Variants in SRCAP observed in about 807,000 individuals in gnomAD.
SRCAP encodes the protein Snf2 related CREBBP activator protein.
SRCAP carries 46 observed loss-of-function variants against 263.1 expected under a neutral mutation model. That is an observed-to-expected ratio of 0.17 (90% CI 0.14 to 0.22). The LOEUF (loss-of-function observed/expected upper bound fraction) is 0.22. Among genes scored for constraint, SRCAP ranks in the 10% least tolerant of loss-of-function variants. The pLI is 1.00. For synonymous variants in SRCAP, 1,813 were observed against 1,662.1 expected (o/e 1.09, Z -2.21); for missense variants, 3,695 against 4,181.9 (o/e 0.88, Z 3.21).
intron 1 of SRCAP, among the ~76,000 whole-genome samples, chr16:30,699,531 T>C (rs1164276815): frequency 6.6e-6 from 1 of 152,310 alleles, no homozygotes; most frequent in South Asian, 2.1e-4. Flanking sequence ...CCAGCCTGTT[T>C]GTTGACTCTT....
chr16:30,723,713 C>T lies in SRCAP; in HGVS notation c.4289C>T (p.Thr1430Ile), dbSNP rs2053033834. Reference protein sequence around the residue: ...SSPLASPVSSTVSVPLSSSLP... With the variant: ...SSPLASPVSSIVSVPLSSSLP... ...CCCCTTGCTAGTCCTGTGTCCTCTA[C>T]AGTCTCAGTTCCATTGTCATCTTCA... The change falls in exon 25 of 34, where the codon ACA becomes ATA. Residue 1430 changes from threonine (T) to isoleucine (I), a missense_variant. Thr to Ile is a moderately conservative substitution (Grantham distance 89). Around this residue, in one of 12 missense-constraint regions of SRCAP, gnomAD observed 1,347 missense variants for 1,304.4 expected, o/e 1.03. Coordinates refer to ENST00000262518, the MANE Select transcript of SRCAP (RefSeq NM_006662.3). 3 of 1,613,986 alleles carry T rather than the reference C, an allele frequency of 1.9e-6. No individual in the cohort carries two copies. The highest frequency in any genetic ancestry group is 2.5e-6 in the Non-Finnish European group (3 of 1,180,006).
Position 30,704,137 on chromosome 16 carries a change from C to T in SRCAP, c.128C>T (p.Ala43Val). The T allele has an allele frequency of 6.2e-7, 1 of 1,614,194 alleles. No individual in the cohort carries two copies. Among genetic ancestry groups the T allele is most frequent in the South Asian group, 1.1e-5 (1 of 91,084 alleles). Residue 43 changes from alanine to valine, a missense_variant, in exon 4 of 34, where the codon GCA becomes GTA. By Grantham distance (64) the Ala-to-Val change is moderately conservative. This residue lies in a region of SRCAP where 122 missense variants were observed against 116.9 expected (regional missense o/e 1.04). Transcript: ENST00000262518. ...ASSSSPASSG[A>V]GGISPQHIAQ... Reference sequence around the variant, plus strand: ...TCCAGTTCCCCAGCCTCTAGTGGGGCAGGCGGCATCTCCCCGCAGCACATA... The same window carrying T: ...TCCAGTTCCCCAGCCTCTAGTGGGGTAGGCGGCATCTCCCCGCAGCACATA...
chr16:30,728,900 G>T lies in SRCAP; in HGVS notation c.5659-66G>T, dbSNP rs1596660310. On this transcript the variant is annotated intron_variant, in intron 25 of 33. Transcript: ENST00000262518. ...CTATATATTTATTTCCATCTGGGAA[G>T]AACAGTCAGGTTTTGATGTGGACTC... 2.0e-6 allele frequency: 3 copies of T among 1,512,256 alleles called. No individual in the cohort carries two copies. The East Asian group carries it at 6.9e-5, about 35-fold the overall frequency. The allele number at this position is 1,512,256 out of a possible 1,614,324, so 93.7% of individuals were successfully genotyped here.
intron 27 of SRCAP, among the ~76,000 whole-genome samples, chr16:30,730,467 T>C (rs1332714246): frequency 6.6e-6 from 1 of 151,910 alleles, no homozygotes; most frequent in Non-Finnish European, 1.5e-5. Flanking sequence ...AGTCTCACTC[T>C]GTCGCCCAGG....
At chr16:30,712,573 T>G in intron 13 of SRCAP, 106 bp from the exon 14 acceptor site, 1 of 1,553,058 alleles carries the variant, frequency 6.4e-7, no homozygotes, top group Non-Finnish European at 8.8e-7. Flanking sequence ...ACAGTGTAGG[T>G]GCTAGGATTC....
At chr16:30,711,111 C>G in intron 10 of SRCAP, 23 bp downstream of exon 10, 1 of 1,589,372 alleles carries the variant, frequency 6.3e-7, no homozygotes. Context: ...AGACATTTTA[C>G]TAAGCATCCA....
chr16:30,723,760 A>G lies in SRCAP; in HGVS notation c.4336A>G (p.Thr1446Ala), dbSNP rs764941298. The G allele has an allele frequency of 3.7e-6, 6 of 1,612,862 alleles. No individual in the cohort carries two copies. Among genetic ancestry groups the G allele is most frequent in the Non-Finnish European group, 4.2e-6 (5 of 1,179,794 alleles). ...SSSLPISVPTTLPAPASAPLT... is the reference protein window; with the variant it reads ...SSSLPISVPTALPAPASAPLT... ...TTCACTCCCCATCTCTGTCCCCACC[A>G]CACTTCCTGCCCCAGCCTCGGCTCC... The change falls in exon 25 of 34, where the codon ACA becomes GCA. Residue 1446 changes from threonine to alanine, a missense_variant. Thr to Ala is a moderately conservative substitution (Grantham distance 58). Transcript: ENST00000262518.
rs1443050243 is a variant in SRCAP at position 30,712,170 on chromosome 16, T to C, written c.1815+13T>C. 6.2e-7 allele frequency: 1 copy of C among 1,609,792 alleles called. No homozygotes were observed. The highest frequency in any genetic ancestry group is 8.5e-7 in the Non-Finnish European group (1 of 1,176,690). ...GGCCACGACCCAGGTATCCCCAGGTTCTGGCCTCTCCTTTCTCATGTCTTG... is the reference window on the plus strand; with the variant it reads ...GGCCACGACCCAGGTATCCCCAGGTCCTGGCCTCTCCTTTCTCATGTCTTG... On this transcript the variant is annotated intron_variant, in intron 12 of 33. Coordinates refer to ENST00000262518, the MANE Select transcript of SRCAP (RefSeq NM_006662.3).
intron 18 of SRCAP, among the ~76,000 whole-genome samples, chr16:30,719,107 G>A (rs914455767): frequency 1.3e-5 from 2 of 151,804 alleles, no homozygotes; most frequent in African/African-American, 4.8e-5. Context: ...TGTTGGCCAG[G>A]CTGGTCTCGA....
rs761021263 is a variant in SRCAP, at chr16:30,700,849, C to G, written c.25C>G (p.His9Asp). 2 of 1,614,180 alleles carry G rather than the reference C, an allele frequency of 1.2e-6. No individual in the cohort carries two copies. The highest frequency in any genetic ancestry group is 1.3e-5 in the African/African-American group (1 of 75,066). The change falls in exon 3 of 34, where the codon CAC becomes GAC. Residue 9 changes from histidine to aspartate, a missense_variant. Physicochemically the swap from His to Asp is moderately conservative, Grantham distance 81. Around this residue, in one of 12 missense-constraint regions of SRCAP, gnomAD observed 122 missense variants for 116.9 expected, o/e 1.04. Transcript: ENST00000262518. MQSSPSPA[H>D]PQLPVLQTQM... ...CATGCAGAGCAGCCCCTCCCCTGCTCACCCTCAGCTCCCAGTCCTACAGAC... is the reference window on the plus strand; with the variant it reads ...CATGCAGAGCAGCCCCTCCCCTGCTGACCCTCAGCTCCCAGTCCTACAGAC...
chr16:30,737,499 C>G lies in SRCAP; in HGVS notation c.7459C>G (p.Pro2487Ala), dbSNP rs745812470. The G allele has an allele frequency of 7.5e-6, 12 of 1,598,584 alleles. No homozygotes were observed. Among genetic ancestry groups the G allele is most frequent in the Admixed American group, 3.4e-5 (2 of 59,532 alleles). Residue 2487 changes from proline to alanine, a missense_variant, in exon 34 of 34, where the codon CCT (proline) becomes GCT (alanine). Around this residue, in one of 12 missense-constraint regions of SRCAP, gnomAD observed 1,207 missense variants for 1,142.9 expected, o/e 1.06. Transcript: ENST00000262518. ...LPVHILPSPP[P>A]PSQIPPCSSP... ...TGTCCATATCTTGCCTTCTCCTCCC[C>G]CTCCTTCACAGATTCCTCCTTGTTC...
chr16:30,709,585 A>G lies in SRCAP; in HGVS notation c.706A>G (p.Ile236Val). Residue 236 changes from isoleucine to valine, a missense_variant, in exon 7 of 34, where the codon ATT becomes GTT. This residue lies in a region of SRCAP where 107 missense variants were observed against 223.8 expected (regional missense o/e 0.48). Coordinates refer to ENST00000262518, the MANE Select transcript of SRCAP (RefSeq NM_006662.3). ...AGCCCTGGACCTGCATTTGGACTTC[A>G]TTGTGGGGCAAACTGAAAAGTACTC... ...KKALDLHLDF[I>V]VGQTEKYSDL... The G allele has an allele frequency of 6.2e-7, 1 of 1,614,164 alleles. No individual in the cohort carries two copies. The highest frequency in any genetic ancestry group is 8.5e-7 in the Non-Finnish European group (1 of 1,180,030).
chr16:30,712,682 A>C lies in SRCAP; in HGVS notation c.1997A>C (p.Asn666Thr). Residue 666 changes from asparagine to threonine, a missense_variant, in exon 14 of 34, where the codon AAC (asparagine) becomes ACC (threonine). Asn to Thr is a moderately conservative substitution (Grantham distance 65). This residue lies in a region of SRCAP where 121 missense variants were observed against 330.7 expected (regional missense o/e 0.37). Coordinates refer to ENST00000262518, the MANE Select transcript of SRCAP (RefSeq NM_006662.3). ...CTCTGATTTTTTTGCCTAACAGGTA[A>C]CTGGGGTCCCCATTTAATCATTGTT... Reference protein sequence around the residue: ...LLAHLACEKGNWGPHLIIVPT... With the variant: ...LLAHLACEKGTWGPHLIIVPT... 1 of 1,613,906 alleles carries C rather than the reference A, an allele frequency of 6.2e-7. No individual in the cohort carries two copies. The highest frequency in any genetic ancestry group is 1.1e-5 in the South Asian group (1 of 91,032).
chr16:30,725,837 CTG>C (rs1328920853), intron 25 of SRCAP: 1 of 152,042 alleles, frequency 6.6e-6, no homozygotes, highest in Non-Finnish European at 1.5e-5. Flanking sequence ...CTTGACCAGG[CTG>C]GTCTCGAATT....
chr16:30,736,509 C>T, intron 32 of SRCAP, 32 bp from the exon 33 acceptor site: 17 of 1,613,696 alleles, frequency 1.1e-5, no homozygotes, highest in Non-Finnish European at 1.4e-5. Flanking sequence ...GTACCAGGTT[C>T]CTAAGTTTAT....
rs1435754582 is a variant in SRCAP, at chr16:30,736,412, T to C, written c.6924+18T>C. ...TAGAACAGGTCAGTGCTGGACCCAC[T>C]AGTTCTTGACTTTACTGCTTCCCCT... is the stretch of plus-strand genomic sequence containing the variant. On this transcript the variant is annotated intron_variant, in intron 32 of 33. Transcript: ENST00000262518. 6.2e-7 allele frequency: 1 copy of C among 1,605,844 alleles called. No individual in the cohort carries two copies. The highest frequency in any genetic ancestry group is 8.5e-7 in the Non-Finnish European group (1 of 1,174,178).
rs1337275994 is a variant in SRCAP at position 30,716,416 on chromosome 16, C to T, written c.2754C>T (p.Thr918=). 6.2e-7 allele frequency: 1 copy of T among 1,614,090 alleles called. No individual in the cohort carries two copies. Among genetic ancestry groups the T allele is most frequent in the East Asian group, 2.2e-5 (1 of 44,902 alleles). ...DPRPVTSPFI[T]PGICFSTASL... Reference sequence around the variant, plus strand: ...GACCGGTTACCTCCCCTTTCATCACCCCAGGCATCTGCTTCAGCACCGCCT... The same window carrying T: ...GACCGGTTACCTCCCCTTTCATCACTCCAGGCATCTGCTTCAGCACCGCCT... The change falls in exon 18 of 34, where the codon ACC becomes ACT. Residue 918 remains threonine, a synonymous_variant. Transcript: ENST00000262518.
Position 30,740,647 on chromosome 16 carries a change from C to T in SRCAP, c.*914C>T, listed in dbSNP as rs1411093759. ...GCCCTGAGTCAGCTCCATCACCACCCAAGCCAAACCAAAGCTGAGGCAGGA... is the reference window on the plus strand; with the variant it reads ...GCCCTGAGTCAGCTCCATCACCACCTAAGCCAAACCAAAGCTGAGGCAGGA... On this transcript the variant is annotated 3_prime_UTR_variant, in exon 34 of 34. Coordinates refer to ENST00000262518, the MANE Select transcript of SRCAP (RefSeq NM_006662.3). 2 of 152,276 alleles carry T rather than the reference C, an allele frequency of 1.3e-5. No homozygotes were observed. Among genetic ancestry groups the T allele is most frequent in the East Asian group, 3.9e-4 (2 of 5,194 alleles). 9.4% of individuals were successfully genotyped at this position (152,276 alleles called of 1,614,324 possible). A position where few individuals can be genotyped will look rare whatever the true frequency, so the allele number is the denominator to read the frequency against.
At chr16:30,715,814 T>A (rs184009973) in intron 16 of SRCAP, among the ~76,000 whole-genome samples, 11 of 152,316 alleles carry the variant, frequency 7.2e-5, no homozygotes, top group Non-Finnish European at 1.5e-4. Flanking sequence ...AAATCTAGTT[T>A]GAGTTTTCTA....
Sources: gnomAD v4.1 joint callset for allele counts (sites outside exome capture counted in the v4.1 genomes callset) on GRCh38, gnomAD v4.1.1 for gene constraint, gnomAD v4.1.1 regional missense constraint, MANE v1.5 for transcripts, NCBI Gene and HGNC (gene_info 2026-07-23, HGNC 2026-07-21) for gene names.